The following KCNMB2 variants were observed in gnomAD, a reference collection of about 807,000 sequenced individuals.
The protein encoded by KCNMB2 is calcium-activated potassium channel subunit beta-2.
A neutral mutation model predicts 24.5 loss-of-function variants in KCNMB2; 9 were observed. The ratio of observed to expected loss-of-function variants is 0.37; its 90% CI spans 0.22 to 0.64. The LOEUF is 0.64. Among genes scored for constraint, KCNMB2 ranks in the 30% least tolerant of loss-of-function variants. The pLI is 0.63. For missense variants in KCNMB2, 226 were observed against 284.3 expected, an observed-to-expected ratio of 0.79 and a Z score of 1.47; for synonymous variants, 109 against 104.4, an observed-to-expected ratio of 1.04 and a Z score of -0.27.
Position 178,842,674 on chromosome 3 carries a change from G to A in KCNMB2, c.445G>A (p.Gly149Arg), listed in dbSNP as rs1335861573. 22 of 1,611,440 alleles carry A rather than the reference G, an allele frequency of 1.4e-5. No homozygotes were observed. Among genetic ancestry groups the A allele is most frequent in the Admixed American group, 1.7e-5 (1 of 59,964 alleles). The change falls in exon 5 of 5, where the codon GGA becomes AGA. Residue 149 changes from glycine (G) to arginine (R), a missense_variant. By Grantham distance (125) the Gly-to-Arg change is moderately radical (BLOSUM62 -2). Coordinates refer to ENST00000452583, the MANE Select transcript of KCNMB2 (RefSeq NM_181361.3). ...NQKCSYIPKC[G>R]KNFEESMSLV... ...ACAGTGCTCCTATATACCTAAATGTGGAAAAAATTTTGAAGAATCCATGTC... is the reference window on the plus strand; with the variant it reads ...ACAGTGCTCCTATATACCTAAATGTAGAAAAAATTTTGAAGAATCCATGTC...
chr3:178,561,285 A>G (rs946840544), intron 1 of KCNMB2, among the ~76,000 whole-genome samples: 1 of 152,230 alleles, frequency 6.6e-6, no homozygotes, highest in Non-Finnish European at 1.5e-5. Context: ...GGATAATGCA[A>G]GGATTATTAT....
At chr3:178,703,282 G>T (rs966687127) in intron 1 of KCNMB2, among the ~76,000 whole-genome samples, 1 of 152,176 alleles carries the variant, frequency 6.6e-6, no homozygotes, top group Non-Finnish European at 1.5e-5. Context: ...AAGGGGTTGA[G>T]TGGAGGGCCA....
chr3:178,643,476 T>C (rs1719799859), intron 1 of KCNMB2, among the ~76,000 whole-genome samples: 1 of 152,238 alleles, frequency 6.6e-6, no homozygotes, highest in Non-Finnish European at 1.5e-5. Flanking sequence ...TCTTGGTTTT[T>C]ATATTGTATT....
At chr3:178,752,968 T>C (rs1723901042) in intron 1 of KCNMB2, among the ~76,000 whole-genome samples, 1 of 152,184 alleles carries the variant, frequency 6.6e-6, no homozygotes, top group South Asian at 2.1e-4. Context: ...CGAAATACTA[T>C]GGGCCCCAAG....
At chr3:178,683,234 T>C (rs749060728) in intron 1 of KCNMB2, among the ~76,000 whole-genome samples, 32 of 151,968 alleles carry the variant, frequency 2.1e-4, no homozygotes, top group Non-Finnish European at 3.7e-4. Flanking sequence ...GAAAACCAAA[T>C]ACCGCATGTT....
At chr3:178,800,593 T>C (rs1324246571) in intron 1 of KCNMB2, among the ~76,000 whole-genome samples, 3 of 152,182 alleles carry the variant, frequency 2.0e-5, no homozygotes, top group Non-Finnish European at 2.9e-5. Context: ...TGTAAATTAG[T>C]ACAACCGTTA....
intron 1 of KCNMB2, chr3:178,757,095 G>C (rs1010862581): frequency 6.7e-6 from 1 of 148,486 alleles, no homozygotes; most frequent in South Asian, 2.1e-4. Flanking sequence ...TTACATTTCC[G>C]CCCCATCTTT....
intron 1 of KCNMB2, among the ~76,000 whole-genome samples, chr3:178,799,407 T>G (rs745994293): frequency 1.3e-5 from 2 of 151,800 alleles, no homozygotes; most frequent in Non-Finnish European, 2.9e-5. Flanking sequence ...GAAAAAGAAA[T>G]TAAGAAAGTA....
At chr3:178,598,903 A>G (rs913274922) in intron 1 of KCNMB2, among the ~76,000 whole-genome samples, 2 of 152,126 alleles carry the variant, frequency 1.3e-5, no homozygotes, top group Non-Finnish European at 1.5e-5. Context: ...ATATACTCAG[A>G]ACCCAACCCA....
intron 1 of KCNMB2, among the ~76,000 whole-genome samples, chr3:178,735,011 T>G (rs1165964437): frequency 6.6e-6 from 1 of 152,160 alleles, no homozygotes; most frequent in African/African-American, 2.4e-5. Context: ...TGTAGCAGAG[T>G]AGTGAATAAG....
At chr3:178,586,063 C>T (rs1401192290) in intron 1 of KCNMB2, among the ~76,000 whole-genome samples, 1 of 152,132 alleles carries the variant, frequency 6.6e-6, no homozygotes, top group East Asian at 1.9e-4. Flanking sequence ...AGCCACTGCT[C>T]CCCTCTTGCT....
rs73045977 is a variant in KCNMB2 at position 178,690,154 on chromosome 3, C to T, written c.-67-117189C>T. Among the ~76,000 whole-genome samples the T allele has an allele frequency of 1.7e-3, 252 of 152,202 alleles. 1 individual carries two copies. The highest frequency in any genetic ancestry group is 5.8e-3 in the African/African-American group (241 of 41,550). On this transcript the variant is annotated intron_variant, in intron 1 of 4. Coordinates refer to ENST00000452583, the MANE Select transcript of KCNMB2 (RefSeq NM_181361.3). ...TCACCAAATGGCAAAATAACTTATC[C>T]TTTGCCAAAATCATGTGAATCTTAT...
chr3:178,581,479 A>G (rs1717201389), intron 1 of KCNMB2, among the ~76,000 whole-genome samples: 1 of 152,216 alleles, frequency 6.6e-6, no homozygotes, highest in Non-Finnish European at 1.5e-5. Flanking sequence ...TGACTAAAAC[A>G]CCAAAAGCAA....
chr3:178,583,238 T>C (rs377724320), intron 1 of KCNMB2, among the ~76,000 whole-genome samples: 1 of 152,188 alleles, frequency 6.6e-6, no homozygotes, highest in Non-Finnish European at 1.5e-5. Context: ...AAATTGCTAA[T>C]ATACTTATAG....
At chr3:178,562,385 C>T (rs1716353229) in intron 1 of KCNMB2, among the ~76,000 whole-genome samples, 1 of 152,064 alleles carries the variant, frequency 6.6e-6, no homozygotes, top group African/African-American at 2.4e-5. Flanking sequence ...ATTGAGAAGC[C>T]CCAGAGACAG....
chr3:178,788,864 T>C (rs1331967073), intron 1 of KCNMB2, among the ~76,000 whole-genome samples: 1 of 152,236 alleles, frequency 6.6e-6, no homozygotes, highest in African/African-American at 2.4e-5. Context: ...ACCAAAGTTC[T>C]ATAAGAGCAG....
At chr3:178,641,146 G>A (rs968522497) in intron 1 of KCNMB2, among the ~76,000 whole-genome samples, 1 of 151,928 alleles carries the variant, frequency 6.6e-6, no homozygotes, top group African/African-American at 2.4e-5. Context: ...CTCTAACTTT[G>A]TTCTTCTTCA....
intron 1 of KCNMB2, among the ~76,000 whole-genome samples, chr3:178,559,263 T>A (rs933582270): frequency 6.6e-6 from 1 of 152,114 alleles, no homozygotes; most frequent in Non-Finnish European, 1.5e-5. Flanking sequence ...TTTTCTTAGT[T>A]GGATTTAGGG....
intron 1 of KCNMB2, among the ~76,000 whole-genome samples, chr3:178,648,576 A>T (rs1476374004): frequency 6.6e-6 from 1 of 152,130 alleles, no homozygotes; most frequent in African/African-American, 2.4e-5. Context: ...AAAACATAAA[A>T]AATAAGTCAT....
Sources: allele counts gnomAD v4.1 joint callset (sites outside exome capture counted in the v4.1 genomes callset), GRCh38; gene constraint gnomAD v4.1.1; transcripts MANE v1.5; gene names NCBI Gene and HGNC (gene_info 2026-07-23, HGNC 2026-07-21).